The following PPARGC1A variants were observed in gnomAD, a reference collection of about 807,000 sequenced individuals.
PPARGC1A encodes the protein PPARG coactivator 1 alpha, also known as peroxisome proliferator-activated receptor gamma coactivator 1-alpha.
In PPARGC1A, 25 loss-of-function variants were observed where a neutral mutation model predicts 88.7. The observed-to-expected ratio is 0.28, with a 90% CI of 0.21 to 0.39. PPARGC1A has a LOEUF of 0.39. PPARGC1A is among the 10% of genes least tolerant of loss of function. PPARGC1A has a pLI of 1.00. For missense variants in PPARGC1A, 880 were observed against 968.7 expected (o/e 0.91, Z 1.22); for synonymous variants, 363 against 355.6 (o/e 1.02, Z -0.24).
At chr4:24,401,015 CT>C in the PPARGC1A span, among the ~76,000 whole-genome samples, 6 of 99,826 alleles carry the variant, frequency 6.0e-5, no homozygotes, top group East Asian at 3.0e-4. Flanking sequence ...CCTGAATTTT[CT>C]TTTTTTTTTT....
chr4:23,947,069 C>G, the PPARGC1A span, among the ~76,000 whole-genome samples: 4 of 151,902 alleles, frequency 2.6e-5, no homozygotes, highest in East Asian at 7.8e-4. Flanking sequence ...CTCTGTCTTA[C>G]AATATCTACT....
intron 2 of PPARGC1A, among the ~76,000 whole-genome samples, chr4:23,853,345 C>G (rs1013918804): frequency 6.6e-6 from 1 of 152,050 alleles, no homozygotes; most frequent in African/African-American, 2.4e-5. Flanking sequence ...GGTCATTATA[C>G]TTTATGTGTT....
At chr4:23,878,193 T>C (rs1264980010) in intron 2 of PPARGC1A, among the ~76,000 whole-genome samples, 2 of 152,086 alleles carry the variant, frequency 1.3e-5, no homozygotes, top group Admixed American at 6.5e-5. Context: ...ATGTCCCAGT[T>C]TACTTTCTGG....
the PPARGC1A span, among the ~76,000 whole-genome samples, chr4:23,983,419 C>T: frequency 7.9e-5 from 12 of 152,186 alleles, no homozygotes; most frequent in South Asian, 1.0e-3. Context: ...AAACAGGTAA[C>T]GACCACACAG....
intron 1 of PPARGC1A, 74 bp from the exon 2 acceptor site, chr4:23,885,005 G>A: frequency 7.6e-7 from 1 of 1,314,028 alleles, no homozygotes. Context: ...GCAATAGCAT[G>A]TGATAGGAAT....
the PPARGC1A span, among the ~76,000 whole-genome samples, chr4:24,059,920 C>T: frequency 2.6e-5 from 4 of 152,290 alleles, no homozygotes; most frequent in Admixed American, 6.5e-5. Context: ...TCTCTGATTG[C>T]GCCGTCTCTG....
chr4:24,143,273 GAC>G, the PPARGC1A span, among the ~76,000 whole-genome samples: 2 of 152,094 alleles, frequency 1.3e-5, no homozygotes, highest in African/African-American at 2.4e-5. Flanking sequence ...ATGGTGTAGG[GAC>G]AGACAGCCTC....
the PPARGC1A span, among the ~76,000 whole-genome samples, chr4:24,239,163 T>C: frequency 2.0e-5 from 3 of 152,174 alleles, no homozygotes; most frequent in Admixed American, 2.0e-4. Context: ...ATTTTTTTCA[T>C]CCACTCAATA....
At chr4:24,284,024 A>C in the PPARGC1A span, among the ~76,000 whole-genome samples, 1 of 151,906 alleles carries the variant, frequency 6.6e-6, no homozygotes, top group East Asian at 1.9e-4. Context: ...TCATGCCTGT[A>C]ATCCCAGCAG....
the PPARGC1A span, among the ~76,000 whole-genome samples, chr4:24,265,930 C>T: frequency 6.6e-6 from 1 of 151,478 alleles, no homozygotes; most frequent in African/African-American, 2.4e-5. Context: ...AGAGGGGGAG[C>T]ACATGTGCAA....
chr4:24,011,798 C>T, the PPARGC1A span, among the ~76,000 whole-genome samples: 2 of 152,114 alleles, frequency 1.3e-5, no homozygotes, highest in African/African-American at 2.4e-5. Context: ...ATAAGCATTG[C>T]CTCTTTAAGG....
At chr4:24,210,194 G>A in the PPARGC1A span, among the ~76,000 whole-genome samples, 2 of 152,116 alleles carry the variant, frequency 1.3e-5, no homozygotes, top group African/African-American at 4.8e-5. Context: ...AATTATGAAT[G>A]TTCCACCTAC....
chr4:24,162,003 CA>C, the PPARGC1A span, among the ~76,000 whole-genome samples: 1 of 144,742 alleles, frequency 6.9e-6, no homozygotes, highest in Non-Finnish European at 1.5e-5. Flanking sequence ...CACACACACA[CA>C]CACACACACC....
the PPARGC1A span, among the ~76,000 whole-genome samples, chr4:24,294,465 C>G: frequency 1.6e-4 from 25 of 152,068 alleles, no homozygotes; most frequent in Non-Finnish European, 2.5e-4. Flanking sequence ...TCTATTACTA[C>G]AAATTATCCT....
At chr4:24,059,638 A>G in the PPARGC1A span, among the ~76,000 whole-genome samples, 3 of 152,196 alleles carry the variant, frequency 2.0e-5, no homozygotes, top group Non-Finnish European at 4.4e-5. Flanking sequence ...TCTATCACAC[A>G]TTCTTGACAA....
chr4:24,363,145 T>C, the PPARGC1A span, among the ~76,000 whole-genome samples: 1 of 152,208 alleles, frequency 6.6e-6, no homozygotes, highest in Non-Finnish European at 1.5e-5. Context: ...GTGAATAGTG[T>C]GAAAAGTCAA....
At position 23,829,518 on chromosome 4, in the gene PPARGC1A, G is replaced by T. The variant is rs1269539071; in HGVS notation, c.497C>A (p.Thr166Asn). The T allele has an allele frequency of 6.2e-7, 1 of 1,613,600 alleles. No individual in the cohort carries two copies. Among genetic ancestry groups the T allele is most frequent in the Non-Finnish European group, 8.5e-7 (1 of 1,179,530 alleles). Reference protein sequence around the residue: ...LSYNECSGLSTQNHANHNHRI... With the variant: ...LSYNECSGLSNQNHANHNHRI... ...GTGATTGTGATTTGCATGGTTCTGG[G>T]TACTGAGACCACTGCATTCATTATA... Residue 166 changes from threonine (T) to asparagine (N), a missense_variant, in exon 4 of 13, where the codon ACC (threonine) becomes AAC (asparagine). Thr to Asn is a moderately conservative substitution (Grantham distance 65). Coordinates refer to ENST00000264867, the MANE Select transcript of PPARGC1A (RefSeq NM_013261.5).
the PPARGC1A span, among the ~76,000 whole-genome samples, chr4:24,437,632 TGTTGTTTTA>T: frequency 1.4e-5 from 2 of 144,266 alleles, no homozygotes; most frequent in Admixed American, 6.8e-5. Flanking sequence ...TTGTTGTTGT[TGTTGTTTTA>T]GTTTTGGTTT....
In PPARGC1A at chr4:23,795,521, G is replaced by C; in HGVS notation, c.*301C>G. On this transcript the variant is annotated 3_prime_UTR_variant, in exon 13 of 13. Coordinates refer to ENST00000264867, the MANE Select transcript of PPARGC1A (RefSeq NM_013261.5). ...CACATACATACACACACACATACAT[G>C]CACACACGCACACTCCATCACCAAG... The C allele has an allele frequency of 3.3e-6, 1 of 299,376 alleles. No individual in the cohort carries two copies. The highest frequency in any genetic ancestry group is 6.3e-6 in the Non-Finnish European group (1 of 159,274). 18.5% of individuals were successfully genotyped at this position (299,376 alleles called of 1,614,324 possible).
Sources: gnomAD v4.1 joint callset for allele counts (sites outside exome capture counted in the v4.1 genomes callset) on GRCh38, gnomAD v4.1.1 for gene constraint, MANE v1.5 for transcripts, NCBI Gene and HGNC (gene_info 2026-07-23, HGNC 2026-07-21) for gene names.